Variants in RNF216 observed in about 807,000 individuals in gnomAD.
RNF216 encodes ring finger protein 216.
In RNF216, 72 loss-of-function variants were observed where a neutral mutation model predicts 110.8. The observed-to-expected ratio is 0.65, with a 90% CI of 0.54 to 0.79. RNF216 has a LOEUF of 0.79. Ranked by LOEUF, RNF216 falls within the 30% of genes least tolerant of loss-of-function variation. The pLI is 0.00. For missense variants in RNF216, 1,342 were observed against 1,141.2 expected, an observed-to-expected ratio of 1.18 and a Z score of -2.54; for synonymous variants, 495 against 407.5, an observed-to-expected ratio of 1.21 and a Z score of -2.59.
intron 1 of RNF216, among the ~76,000 whole-genome samples, chr7:5,761,848 G>C (rs944041914): frequency 2.0e-5 from 3 of 151,722 alleles, no homozygotes; most frequent in African/African-American, 7.3e-5. Context: ...AAGTATGTAA[G>C]ACATGGGAAA....
chr7:5,741,401 T>G lies in RNF216; in HGVS notation c.616A>C (p.Thr206Pro), dbSNP rs925538404. 13 of 1,614,072 alleles carry G rather than the reference T, an allele frequency of 8.1e-6. No individual in the cohort carries two copies. Among genetic ancestry groups the G allele is most frequent in the African/African-American group, 2.7e-5 (2 of 74,934 alleles). Residue 206 changes from threonine (T) to proline (P), a missense_variant, in exon 4 of 17, where the codon ACA (threonine) becomes CCA (proline). Coordinates refer to ENST00000389902, the MANE Select transcript of RNF216 (RefSeq NM_207111.4). Reference sequence around the variant, plus strand: ...TCTCCTAGATTTGATAACAGCTCTGTCTCTGAGTCTTCGGATGACTGGTTC... The same window carrying G: ...TCTCCTAGATTTGATAACAGCTCTGGCTCTGAGTCTTCGGATGACTGGTTC... The part of the protein sequence containing the change: ...TQNQSSEDSE[T>P]ELLSNLGESA...
intron 3 of RNF216, among the ~76,000 whole-genome samples, chr7:5,751,875 A>T (rs1172376247): frequency 1.3e-5 from 2 of 151,058 alleles, no homozygotes; most frequent in African/African-American, 2.4e-5. Context: ...TTTGTAGTTT[A>T]AAAAAAACAG....
At chr7:5,766,239 A>G (rs10252738) in intron 1 of RNF216, among the ~76,000 whole-genome samples, 9,572 of 152,078 alleles carry the variant, frequency 0.063, 1,003 homozygotes, top group African/African-American at 0.22. Flanking sequence ...GCAGTGAGCC[A>G]TGAGTGTGCC....
chr7:5,715,223 C>A, intron 10 of RNF216, 33 bp from the exon 11 acceptor site: 1 of 1,600,436 alleles, frequency 6.2e-7, no homozygotes, highest in Non-Finnish European at 8.5e-7. Flanking sequence ...CATGAAATGT[C>A]CTGCACTTAA....
chr7:5,779,305 C>T (rs1796947212), intron 1 of RNF216, among the ~76,000 whole-genome samples: 1 of 152,088 alleles, frequency 6.6e-6, no homozygotes, highest in African/African-American at 2.4e-5. Flanking sequence ...GCTGCTGCTG[C>T]TCTAATCAGG....
chr7:5,642,661 T>C (rs1250903257), intron 14 of RNF216, among the ~76,000 whole-genome samples: 1 of 151,732 alleles, frequency 6.6e-6, no homozygotes, highest in Non-Finnish European at 1.5e-5. Flanking sequence ...GTATTTTTAG[T>C]AGAGATGAGG....
rs1241721590 is a variant in RNF216 at position 5,622,934 on chromosome 7, A to G, written c.2698T>C (p.Phe900Leu). Reference sequence around the variant, plus strand: ...TCCAGGGGCATGTGGATGGGACCGAAGTCATAGTTGACCCGCACGTTGGGC... The same window carrying G: ...TCCAGGGGCATGTGGATGGGACCGAGGTCATAGTTGACCCGCACGTTGGGC... Reference protein sequence around the residue: ...PLPNVRVNYDFGPIHMPLEHN... With the variant: ...PLPNVRVNYDLGPIHMPLEHN... Residue 900 changes from phenylalanine to leucine, a missense_variant, in exon 17 of 17, where the codon TTC becomes CTC. Transcript: ENST00000389902. 3.1e-6 allele frequency: 5 copies of G among 1,613,900 alleles called. No individual in the cohort carries two copies. In the South Asian group the frequency reaches 5.5e-5, roughly 18 times the overall value.
At chr7:5,770,817 T>C (rs1191223559) in intron 1 of RNF216, among the ~76,000 whole-genome samples, 1 of 151,798 alleles carries the variant, frequency 6.6e-6, no homozygotes, top group Non-Finnish European at 1.5e-5. Context: ...TTTTTTTTTC[T>C]TTCCCCCCGA....
At chr7:5,705,962 CAAAACA>C (rs1792258214) in intron 13 of RNF216, among the ~76,000 whole-genome samples, 1 of 150,362 alleles carries the variant, frequency 6.7e-6, no homozygotes, top group Non-Finnish European at 1.5e-5. Context: ...CAAAACAAAA[CAAAACA>C]CCACTCTGGG....
At chr7:5,732,970 C>T (rs1331449270) in intron 5 of RNF216, 1 of 152,202 alleles carries the variant, frequency 6.6e-6, no homozygotes, top group East Asian at 1.9e-4. Flanking sequence ...AGTAGATTAC[C>T]TGCCATGTGG....
At position 5,623,080 on chromosome 7, in the gene RNF216, T is replaced by C; in HGVS notation, c.2552A>G (p.Gln851Arg). The C allele has an allele frequency of 6.2e-7, 1 of 1,612,550 alleles. No homozygotes were observed. The highest frequency in any genetic ancestry group is 8.5e-7 in the Non-Finnish European group (1 of 1,178,712). The change falls in exon 17 of 17, where the codon CAG becomes CGG. Residue 851 changes from glutamine to arginine, a missense_variant. By Grantham distance (43) the Gln-to-Arg change is conservative. Transcript: ENST00000389902. Reference sequence around the variant, plus strand: ...GAAGGCATAGGGTGGCATCTGTGGCTGTGGCAGGTTCTGCGGAACGGGCCT... The same window carrying C: ...GAAGGCATAGGGTGGCATCTGTGGCCGTGGCAGGTTCTGCGGAACGGGCCT... ...LPRPVPQNLP[Q>R]PQMPPYAFAH...
At chr7:5,711,736 T>A (rs748337849) in intron 13 of RNF216, 25 bp downstream of exon 13, 1 of 1,594,810 alleles carries the variant, frequency 6.3e-7, no homozygotes, top group Non-Finnish European at 8.6e-7. Flanking sequence ...TCAATATACA[T>A]CTAGAAAAAA....
At position 5,712,791 on chromosome 7, in the gene RNF216, G is replaced by C. The variant is rs1216219008; in HGVS notation, c.1906C>G (p.Gln636Glu). 6 of 1,614,030 alleles carry C rather than the reference G, an allele frequency of 3.7e-6. No individual in the cohort carries two copies. The highest frequency in any genetic ancestry group is 5.1e-6 in the Non-Finnish European group (6 of 1,179,958). ...PTSELEKVLP[Q>E]TILYKYYERK... ...TCATAGTACTTATACAGGATGGTCTGGGGGAGCACCTTCTCCAGCTCACTG... is the reference window on the plus strand; with the variant it reads ...TCATAGTACTTATACAGGATGGTCTCGGGGAGCACCTTCTCCAGCTCACTG... Residue 636 changes from glutamine to glutamate, a missense_variant, in exon 12 of 17, where the codon CAG (glutamine) becomes GAG (glutamate). Coordinates refer to ENST00000389902, the MANE Select transcript of RNF216 (RefSeq NM_207111.4).
chr7:5,634,884 G>A (rs1373466165), intron 15 of RNF216, among the ~76,000 whole-genome samples: 1 of 152,168 alleles, frequency 6.6e-6, no homozygotes, highest in Non-Finnish European at 1.5e-5. Flanking sequence ...CACTGCTGGG[G>A]TAGCAAAACT....
intron 1 of RNF216, among the ~76,000 whole-genome samples, chr7:5,780,539 A>G (rs1370522930): frequency 6.6e-6 from 1 of 152,128 alleles, no homozygotes; most frequent in Non-Finnish European, 1.5e-5. Context: ...TCTACTAAAA[A>G]TACAAAAATT....
intron 13 of RNF216, among the ~76,000 whole-genome samples, chr7:5,679,185 G>A (rs985884460): frequency 6.6e-6 from 1 of 152,122 alleles, no homozygotes; most frequent in Non-Finnish European, 1.5e-5. Flanking sequence ...TGTCACCCTC[G>A]GGTAGGGGTG....
intron 1 of RNF216, among the ~76,000 whole-genome samples, chr7:5,779,656 TAAA>T (rs34915284): frequency 1.0e-3 from 115 of 112,498 alleles, no homozygotes; most frequent in Admixed American, 1.8e-3. Context: ...CTCCGTCTCT[TAAA>T]AAAAAAAAAA....
At chr7:5,751,391 G>T (rs1340663571) in intron 3 of RNF216, among the ~76,000 whole-genome samples, 2 of 152,126 alleles carry the variant, frequency 1.3e-5, no homozygotes, top group Non-Finnish European at 2.9e-5. Flanking sequence ...GTGTGCACTA[G>T]ACCCCAAAAG....
intron 1 of RNF216, among the ~76,000 whole-genome samples, chr7:5,767,611 T>C (rs1293581332): frequency 6.6e-6 from 1 of 151,924 alleles, no homozygotes; most frequent in Admixed American, 6.6e-5. Flanking sequence ...GATTTTTTTT[T>C]TTTTTTTGAG....
Sources: allele counts gnomAD v4.1 joint callset (sites outside exome capture counted in the v4.1 genomes callset), GRCh38; gene constraint gnomAD v4.1.1; transcripts MANE v1.5; gene names NCBI Gene and HGNC (gene_info 2026-07-23, HGNC 2026-07-21).